The following EFCC1 variants were observed in gnomAD, a reference collection of about 807,000 sequenced individuals.
The protein encoded by EFCC1 is EF-hand and coiled-coil domain-containing protein 1.
EFCC1 carries 50 observed loss-of-function variants against 52.1 expected under a neutral mutation model. That is an observed-to-expected ratio of 0.96 (90% confidence interval 0.76 to 1.21). The LOEUF (loss-of-function observed/expected upper bound fraction) is 1.21, where lower values mean the gene tolerates loss of function less well. Ranked by LOEUF, EFCC1 falls within the 50% of genes most tolerant of loss-of-function variation. The probability of loss-of-function intolerance (pLI) is 0.00; values close to 1 mark genes in which losing one functional copy is unlikely to be tolerated. For missense variants in EFCC1, 837 were observed against 867.3 expected, an observed-to-expected ratio of 0.97 and a Z score of 0.44; for synonymous variants, 399 against 396.5, an observed-to-expected ratio of 1.01 and a Z score of -0.08.
intron 2 of EFCC1, among the ~76,000 whole-genome samples, chr3:129,017,088 C>T (rs1025310409): frequency 4.6e-5 from 7 of 152,250 alleles, no homozygotes; most frequent in Admixed American, 3.3e-4. Flanking sequence ...GCCATGGCCT[C>T]AGGCATCACT....
chr3:129,017,640 C>T (rs2107901784), intron 2 of EFCC1, among the ~76,000 whole-genome samples: 2 of 152,338 alleles, frequency 1.3e-5, no homozygotes, highest in Admixed American at 1.3e-4. Flanking sequence ...AACGACCTGC[C>T]CCATGTCCTT....
At chr3:129,034,891 C>T (rs753098691) in intron 5 of EFCC1, among the ~76,000 whole-genome samples, 13 of 152,116 alleles carry the variant, frequency 8.5e-5, no homozygotes, top group Non-Finnish European at 1.9e-4. Context: ...GGCACTGCCA[C>T]CAAAGTCAGA....
At chr3:129,036,862 C>A in intron 5 of EFCC1, 115 bp from the exon 6 acceptor site, 2 of 1,504,996 alleles carry the variant, frequency 1.3e-6, no homozygotes, top group Non-Finnish European at 1.8e-6. Flanking sequence ...TTAGGCCACA[C>A]ACTCAGCTTC....
At position 129,040,284 on chromosome 3, in the gene EFCC1, C is replaced by A; in HGVS notation, c.*436C>A. 1 of 168,558 alleles carries A rather than the reference C, an allele frequency of 5.9e-6. No individual in the cohort carries two copies. The highest frequency in any genetic ancestry group is 1.3e-5 in the Non-Finnish European group (1 of 79,520). The allele number at this position is 168,558 out of a possible 1,614,324, so 10.4% of individuals were successfully genotyped here. On this transcript the variant is annotated 3_prime_UTR_variant, in exon 8 of 8. Coordinates refer to ENST00000683648, the MANE Select transcript of EFCC1 (RefSeq NM_001377500.1). This position sits in a 1 kb window ranked among gnomAD's most constrained non-coding sequence, Gnocchi z 4.4. ...TGCCTGCTGCAACGGAGACTGGGCC[C>A]AACCTTTGGGATACCTGGTCTGTAG...
At chr3:129,034,142 C>T (rs781541863) in intron 4 of EFCC1, 22 bp from the exon 5 acceptor site, 9 of 1,613,652 alleles carry the variant, frequency 5.6e-6, no homozygotes, top group East Asian at 2.2e-5. Flanking sequence ...CCCTGCAATG[C>T]GGGCCCTCTC....
chr3:129,001,709 G>C lies in EFCC1; in HGVS notation c.81G>C (p.Thr27=). Residue 27 remains threonine, a synonymous_variant, in exon 1 of 8, where the codon ACG becomes ACC. Transcript: ENST00000683648. The part of the protein sequence containing the change: ...GDPYRRPARR[T]QWLLSALAHH... ...CGTACCGGCGACCTGCGCGGCGCACGCAGTGGCTGCTGAGCGCCCTGGCGC... is the reference window on the plus strand; with the variant it reads ...CGTACCGGCGACCTGCGCGGCGCACCCAGTGGCTGCTGAGCGCCCTGGCGC... 2.0e-6 allele frequency: 3 copies of C among 1,508,318 alleles called. No individual in the cohort carries two copies. The highest frequency in any genetic ancestry group is 2.7e-6 in the Non-Finnish European group (3 of 1,130,994). The allele number at this position is 1,508,318 out of a possible 1,614,324, so 93.4% of individuals were successfully genotyped here. A position where few individuals can be genotyped will look rare whatever the true frequency, so the allele number is the denominator to read the frequency against.
At chr3:129,013,491 T>C (rs1286163145) in intron 2 of EFCC1, among the ~76,000 whole-genome samples, 1 of 152,228 alleles carries the variant, frequency 6.6e-6, no homozygotes, top group African/African-American at 2.4e-5. Flanking sequence ...CTTGTCTTTC[T>C]CCTAGTTGGC....
intron 2 of EFCC1, among the ~76,000 whole-genome samples, chr3:129,024,529 G>A (rs1209198294): frequency 4.1e-5 from 6 of 147,064 alleles, no homozygotes; most frequent in Admixed American, 1.4e-4. Context: ...AGACTCCGTC[G>A]CAAAAAAAAA....
intron 2 of EFCC1, among the ~76,000 whole-genome samples, chr3:129,028,890 C>G (rs889762252): frequency 6.6e-6 from 1 of 152,202 alleles, no homozygotes; most frequent in African/African-American, 2.4e-5. Flanking sequence ...ATCCACCCGC[C>G]TTGGCCTCCC....
At chr3:129,036,859 A>G in intron 5 of EFCC1, 118 bp from the exon 6 acceptor site, 1 of 1,492,438 alleles carries the variant, frequency 6.7e-7, no homozygotes, top group Non-Finnish European at 9.1e-7. Flanking sequence ...GCTTTAGGCC[A>G]CACACTCAGC....
At chr3:129,002,575 C>T (rs1476316986) in intron 1 of EFCC1, 3 of 643,384 alleles carry the variant, frequency 4.7e-6, no homozygotes, top group Non-Finnish European at 4.7e-6. Context: ...CAACCATACC[C>T]CACTTTTCTG....
chr3:129,017,153 T>C (rs1945622094), intron 2 of EFCC1, among the ~76,000 whole-genome samples: 1 of 152,220 alleles, frequency 6.6e-6, no homozygotes, highest in African/African-American at 2.4e-5. Flanking sequence ...TTGGCCAGAA[T>C]TGCATCACAT....
In EFCC1 at chr3:129,012,474, A is replaced by G. The variant is rs115304101; in HGVS notation, c.980+8397A>G. Among the ~76,000 whole-genome samples, 992 of 152,260 alleles carry G rather than the reference A, an allele frequency of 6.5e-3. 11 individuals are homozygous for G. Among genetic ancestry groups the G allele is most frequent in the African/African-American group, 0.021 (885 of 41,536 alleles). ...GCTCCTGCTCCACATAGCTGGGAAC[A>G]TGGCTGCAGGGACCCCAGATTCATG... On this transcript the variant is annotated intron_variant, in intron 2 of 7. Transcript: ENST00000683648.
chr3:129,027,058 G>A (rs1344421241), intron 2 of EFCC1, among the ~76,000 whole-genome samples: 1 of 152,148 alleles, frequency 6.6e-6, no homozygotes, highest in Non-Finnish European at 1.5e-5. Context: ...AAGCATCTCC[G>A]GACGGCCCCC....
intron 2 of EFCC1, among the ~76,000 whole-genome samples, chr3:129,016,776 T>C (rs1001791971): frequency 1.8e-4 from 28 of 152,250 alleles, no homozygotes; most frequent in African/African-American, 6.7e-4. Flanking sequence ...CTAACATTTT[T>C]GAGCACTCAC....
At chr3:129,026,525 G>T (rs1433876873) in intron 2 of EFCC1, among the ~76,000 whole-genome samples, 1 of 152,152 alleles carries the variant, frequency 6.6e-6, no homozygotes, top group African/African-American at 2.4e-5. Context: ...TTCTTCATCA[G>T]CAGTTCCTGC....
chr3:129,018,004 C>G (rs899751992), intron 2 of EFCC1, among the ~76,000 whole-genome samples: 7 of 152,192 alleles, frequency 4.6e-5, no homozygotes, highest in Non-Finnish European at 8.8e-5. Flanking sequence ...AAGAAAATAA[C>G]AGCCCTCCCT....
At chr3:129,035,009 A>C (rs905723623) in intron 5 of EFCC1, among the ~76,000 whole-genome samples, 1 of 151,958 alleles carries the variant, frequency 6.6e-6, no homozygotes, top group Non-Finnish European at 1.5e-5. Context: ...ACCACTTCGC[A>C]TTTCTCATTC....
chr3:129,034,319 C>A lies in EFCC1; in HGVS notation c.1442C>A (p.Ser481Tyr). 6.2e-7 allele frequency: 1 copy of A among 1,613,740 alleles called. No individual in the cohort carries two copies. Among genetic ancestry groups the A allele is most frequent in the Non-Finnish European group, 8.5e-7 (1 of 1,179,882 alleles). The part of the protein sequence containing the change: ...QGCGGRTLGT[S>Y]EEEAELQQKV... Reference sequence around the variant, plus strand: ...TGCGGTGGGAGGACCCTGGGGACCTCTGAGGAGGAGGTCAGCAGAGCCTAG... The same window carrying A: ...TGCGGTGGGAGGACCCTGGGGACCTATGAGGAGGAGGTCAGCAGAGCCTAG... The change falls in exon 5 of 8, where the codon TCT (serine) becomes TAT (tyrosine). Residue 481 changes from serine to tyrosine, a missense_variant. Ser to Tyr is a moderately radical substitution (Grantham distance 144). Coordinates refer to ENST00000683648, the MANE Select transcript of EFCC1 (RefSeq NM_001377500.1).
Sources: gnomAD v4.1 joint callset for allele counts (sites outside exome capture counted in the v4.1 genomes callset) on GRCh38, gnomAD v4.1.1 for gene constraint, Gnocchi (gnomAD v3.1) non-coding constraint, MANE v1.5 for transcripts, NCBI Gene and HGNC (gene_info 2026-07-23, HGNC 2026-07-21) for gene names.